The following RTKN2 variants were observed in gnomAD, a reference collection of about 807,000 sequenced individuals.
The protein encoded by RTKN2 is rhotekin-2.
Under a neutral mutation model 71.5 loss-of-function variants are expected in RTKN2, and 69 were observed. That is an observed-to-expected ratio of 0.96 (90% CI 0.79 to 1.18). RTKN2 has a LOEUF of 1.18. Ranked by LOEUF, RTKN2 falls within the 50% of genes most tolerant of loss-of-function variation. The probability of loss-of-function intolerance (pLI) is 0.00; values close to 1 mark genes in which losing one functional copy is unlikely to be tolerated. For missense variants in RTKN2, 724 were observed against 719.7 expected (o/e 1.01, Z -0.07); for synonymous variants, 236 against 236.5 (o/e 1.00, Z 0.02).
chr10:62,235,699 T>C (rs956346875), intron 6 of RTKN2, among the ~76,000 whole-genome samples: 6 of 152,032 alleles, frequency 3.9e-5, no homozygotes, highest in African/African-American at 7.2e-5. Flanking sequence ...TATACATGTA[T>C]GTATATAAAA....
At chr10:62,207,278 A>C (rs1379283226) in intron 9 of RTKN2, among the ~76,000 whole-genome samples, 2 of 152,084 alleles carry the variant, frequency 1.3e-5, no homozygotes, top group African/African-American at 4.8e-5. Context: ...AAATATATAA[A>C]TACTACTGTA....
intron 6 of RTKN2, among the ~76,000 whole-genome samples, chr10:62,225,600 G>A (rs1336383506): frequency 6.6e-6 from 1 of 152,126 alleles, no homozygotes; most frequent in African/African-American, 2.4e-5. Context: ...TATCTATAGT[G>A]TGAGAACATG....
At chr10:62,203,343 T>A (rs1460345592) in intron 10 of RTKN2, among the ~76,000 whole-genome samples, 1 of 9,266 alleles carries the variant, frequency 1.1e-4, no homozygotes, top group Admixed American at 1.4e-3. Flanking sequence ...ATCTGCTGAA[T>A]TTTTTTTTTT....
At chr10:62,217,086 A>G (rs553125374) in intron 9 of RTKN2, 32 bp downstream of exon 9, 5 of 1,519,174 alleles carry the variant, frequency 3.3e-6, no homozygotes. Context: ...CCTAAGATGT[A>G]TATTTTTTTC....
intron 6 of RTKN2, among the ~76,000 whole-genome samples, chr10:62,230,640 A>G (rs2132953930): frequency 6.6e-6 from 1 of 152,300 alleles, no homozygotes; most frequent in Admixed American, 6.5e-5. Flanking sequence ...AAACTGCTCG[A>G]GGTAGGCAGG....
intron 11 of RTKN2, among the ~76,000 whole-genome samples, 172 bp from the exon 12 acceptor site, chr10:62,198,615 G>A (rs964144899): frequency 2.0e-5 from 3 of 151,960 alleles, no homozygotes; most frequent in Admixed American, 2.0e-4. Context: ...AAAAGATCAT[G>A]CGCTGCACTA....
intron 10 of RTKN2, among the ~76,000 whole-genome samples, chr10:62,204,325 ATTGTTT>A (rs1225168989): frequency 6.6e-6 from 1 of 152,130 alleles, no homozygotes; most frequent in Non-Finnish European, 1.5e-5. Flanking sequence ...ATTACCATAC[ATTGTTT>A]TTATGTCCAT....
chr10:62,217,716 T>A (rs535652557), intron 8 of RTKN2, among the ~76,000 whole-genome samples: 1 of 152,342 alleles, frequency 6.6e-6, no homozygotes, highest in African/African-American at 2.4e-5. Context: ...TGGAATCTTT[T>A]AGAAAAAGCT....
At chr10:62,204,317 T>G (rs1480936671) in intron 10 of RTKN2, among the ~76,000 whole-genome samples, 1 of 152,216 alleles carries the variant, frequency 6.6e-6, no homozygotes, top group Non-Finnish European at 1.5e-5. Flanking sequence ...CCTATTACAT[T>G]ACCATACATT....
intron 2 of RTKN2, 59 bp downstream of exon 2, chr10:62,262,566 G>T: frequency 8.6e-7 from 1 of 1,156,104 alleles, no homozygotes; most frequent in Non-Finnish European, 1.2e-6. Flanking sequence ...AAATTATACT[G>T]TGTTTTAAAT....
chr10:62,265,311 C>G (rs533823810), intron 1 of RTKN2, among the ~76,000 whole-genome samples: 2 of 152,248 alleles, frequency 1.3e-5, no homozygotes, highest in African/African-American at 4.8e-5. Flanking sequence ...TCTATGGCTC[C>G]TTTAAGCTAC....
At chr10:62,235,580 G>A (rs930654396) in intron 6 of RTKN2, among the ~76,000 whole-genome samples, 4 of 151,892 alleles carry the variant, frequency 2.6e-5, no homozygotes, top group Non-Finnish European at 5.9e-5. Context: ...TGTGATGTTT[G>A]AAGTCAAAAC....
At chr10:62,236,703 C>T (rs1413375334) in intron 5 of RTKN2, among the ~76,000 whole-genome samples, 1 of 151,968 alleles carries the variant, frequency 6.6e-6, no homozygotes, top group Non-Finnish European at 1.5e-5. Flanking sequence ...TATTCACAAT[C>T]GCCAAGGTAT....
rs189755859 is a variant in RTKN2 at position 62,232,107 on chromosome 10, G to A, written c.686+3959C>T. On this transcript the variant is annotated intron_variant, in intron 6 of 11. Coordinates refer to ENST00000373789, the MANE Select transcript of RTKN2 (RefSeq NM_145307.4). Reference sequence around the variant, plus strand: ...ATGGTATCAAATAAACAAATGGCACGCAAGATTCAAGGGGGAAATGTTTAT... The same window carrying A: ...ATGGTATCAAATAAACAAATGGCACACAAGATTCAAGGGGGAAATGTTTAT... Among the ~76,000 whole-genome samples the A allele has an allele frequency of 1.3e-3, 191 of 152,168 alleles. 1 individual carries two copies. Among genetic ancestry groups the A allele is most frequent in the African/African-American group, 4.2e-3 (175 of 41,508 alleles).
chr10:62,224,274 T>C (rs1032525307), intron 6 of RTKN2, among the ~76,000 whole-genome samples: 1 of 152,086 alleles, frequency 6.6e-6, no homozygotes, highest in Admixed American at 6.6e-5. Context: ...GTGGTGATGC[T>C]TGTACAACAT....
chr10:62,228,038 T>C (rs536839353), intron 6 of RTKN2, among the ~76,000 whole-genome samples: 37 of 152,312 alleles, frequency 2.4e-4, no homozygotes, highest in African/African-American at 8.7e-4. Context: ...TTTTGATATC[T>C]AGGTGCATTA....
chr10:62,228,200 C>A (rs797001577), intron 6 of RTKN2, among the ~76,000 whole-genome samples: 35 of 151,938 alleles, frequency 2.3e-4, no homozygotes, highest in African/African-American at 8.2e-4. Context: ...GTCCAAGGAC[C>A]AAATACTGGG....
intron 10 of RTKN2, 79 bp from the exon 11 acceptor site, chr10:62,199,940 T>C: frequency 1.1e-6 from 1 of 903,908 alleles, no homozygotes; most frequent in East Asian, 2.6e-5. Context: ...TAGATAGCAA[T>C]ACATTTTTGC....
At chr10:62,223,364 A>T (rs951115464) in intron 6 of RTKN2, 32 bp from the exon 7 acceptor site, 1 of 1,291,084 alleles carries the variant, frequency 7.7e-7, no homozygotes, top group Non-Finnish European at 1.1e-6. Context: ...TGTTTTAAGT[A>T]TTTTTGTATT....
Sources: gnomAD v4.1 joint callset for allele counts (sites outside exome capture counted in the v4.1 genomes callset) on GRCh38, gnomAD v4.1.1 for gene constraint, MANE v1.5 for transcripts, NCBI Gene and HGNC (gene_info 2026-07-23, HGNC 2026-07-21) for gene names.